PLXNB1: variants seen among roughly 807,000 people sequenced by gnomAD.
PLXNB1 encodes plexin-B1.
A neutral mutation model predicts 209.4 loss-of-function variants in PLXNB1; 106 were observed. That is an observed-to-expected ratio of 0.51 (90% CI 0.43 to 0.59). The LOEUF is 0.59. Among genes scored for constraint, PLXNB1 ranks in the 20% least tolerant of loss-of-function variants. The pLI is 0.00. For missense variants in PLXNB1, 2,357 were observed against 2,853.2 expected (o/e 0.83, Z 3.96); for synonymous variants, 1,167 against 1,183.2 (o/e 0.99, Z 0.28).
In PLXNB1 at chr3:48,419,959, G is replaced by C; in HGVS notation, c.2327C>G (p.Thr776Ser). The C allele has an allele frequency of 6.3e-7, 1 of 1,582,430 alleles. No homozygotes were observed. Among genetic ancestry groups the C allele is most frequent in the Non-Finnish European group, 8.6e-7 (1 of 1,162,262 alleles). Reference protein sequence around the residue: ...NGPGTAVPAPTDFRPSATPED... With the variant: ...NGPGTAVPAPSDFRPSATPED... ...AGGTGTGGCTGAGGGTCTGAAGTCAGTGGGGGCAGGGACAGCGGTTCCAGG... is the reference window on the plus strand; with the variant it reads ...AGGTGTGGCTGAGGGTCTGAAGTCACTGGGGGCAGGGACAGCGGTTCCAGG... Residue 776 changes from threonine to serine, a missense_variant, in exon 11 of 38, where the codon ACT (threonine) becomes AGT (serine). This residue lies in a region of PLXNB1 where 410 missense variants were observed against 401.0 expected (regional missense o/e 1.02). Transcript: ENST00000296440. This position sits in a 1 kb window ranked among gnomAD's most constrained non-coding sequence, Gnocchi z 5.7.
rs764270397 is a variant in PLXNB1 at position 48,415,228 on chromosome 3, C to G, written c.3914G>C (p.Arg1305Pro). The change falls in exon 20 of 38, where the codon CGC becomes CCC. Residue 1305 changes from arginine to proline, a missense_variant. Coordinates refer to ENST00000296440, the MANE Select transcript of PLXNB1 (RefSeq NM_001130082.3). This position sits in a 1 kb window ranked among gnomAD's most constrained non-coding sequence, Gnocchi z 5.0. ...GGAACATGCCGTCTCCGGGACCACGCGACGCCTCCGTCCAAGCCCCTGGCT... is the reference window on the plus strand; with the variant it reads ...GGAACATGCCGTCTCCGGGACCACGGGACGCCTCCGTCCAAGCCCCTGGCT... ...QPSQGLGRRRRVVPETACSLG... is the reference protein window; with the variant it reads ...QPSQGLGRRRPVVPETACSLG... The G allele has an allele frequency of 6.2e-7, 1 of 1,613,452 alleles. No individual in the cohort carries two copies. The highest frequency in any genetic ancestry group is 1.1e-5 in the South Asian group (1 of 91,084).
chr3:48,418,572 A>G lies in PLXNB1; in HGVS notation c.2956-30T>C, dbSNP rs2038260985. On this transcript the variant is annotated intron_variant, in intron 13 of 37. Transcript: ENST00000296440. This position sits in a 1 kb window ranked among gnomAD's most constrained non-coding sequence, Gnocchi z 6.6. Reference sequence around the variant, plus strand: ...AGAAATGGGAGTGGGTTCAGAGTCAAGCACTGGGGGAAGTGTCAGGCCTGG... The same window carrying G: ...AGAAATGGGAGTGGGTTCAGAGTCAGGCACTGGGGGAAGTGTCAGGCCTGG... 4 of 1,543,414 alleles carry G rather than the reference A, an allele frequency of 2.6e-6. No individual in the cohort carries two copies. The highest frequency in any genetic ancestry group is 3.5e-6 in the Non-Finnish European group (4 of 1,134,994).
chr3:48,409,524 G>C lies in PLXNB1; in HGVS notation c.5939+47C>G, dbSNP rs1351579499. ...CGATGAATGTGCTGGGGAGGCAGAA[G>C]AGAAGACCCCCCACACACACCTAGA... On this transcript the variant is annotated intron_variant, in intron 33 of 37. Coordinates refer to ENST00000296440, the MANE Select transcript of PLXNB1 (RefSeq NM_001130082.3). The surrounding 1 kb of genome is among the most constrained non-coding windows in gnomAD (Gnocchi z 5.8). The C allele has an allele frequency of 5.6e-6, 9 of 1,613,942 alleles. No individual in the cohort carries two copies. Among genetic ancestry groups the C allele is most frequent in the Non-Finnish European group, 7.6e-6 (9 of 1,179,890 alleles).
rs769073294 is a variant in PLXNB1 at position 48,409,321 on chromosome 3, T to C, written c.6087+8A>G. 6.2e-7 allele frequency: 1 copy of C among 1,613,900 alleles called. No homozygotes were observed. The highest frequency in any genetic ancestry group is 8.5e-7 in the Non-Finnish European group (1 of 1,179,998). ...CCATCCCCCCGTGTCCATCCCAGAC[T>C]CGCTCACCCGGCCCAGCTTGTGGTC... On this transcript the variant is annotated splice_region_variant and intron_variant, in intron 34 of 37. Transcript: ENST00000296440. The surrounding 1 kb of genome is among the most constrained non-coding windows in gnomAD (Gnocchi z 5.8).
rs955947253 is a variant in PLXNB1, at chr3:48,405,402, C to T, written c.6303+322G>A. On this transcript the variant is annotated intron_variant, in intron 37 of 37. Coordinates refer to ENST00000296440, the MANE Select transcript of PLXNB1 (RefSeq NM_001130082.3). The surrounding 1 kb of genome is among the most constrained non-coding windows in gnomAD (Gnocchi z 5.0). ...AGCCAGGCCTGCACTTGCATGTTGG[C>T]CGTGCCCAACATGCTGCCAACTCAG... Among the ~76,000 whole-genome samples, 1 of 152,160 alleles carries T rather than the reference C, an allele frequency of 6.6e-6. No homozygotes were observed. The highest frequency in any genetic ancestry group is 1.5e-5 in the Non-Finnish European group (1 of 68,020).
Position 48,421,681 on chromosome 3 carries a change from G to A in PLXNB1, c.1646C>T (p.Thr549Met), listed in dbSNP as rs751427669. The change falls in exon 7 of 38, where the codon ACG becomes ATG. Residue 549 changes from threonine (T) to methionine (M), a missense_variant. Thr to Met is a moderately conservative substitution (Grantham distance 81). Transcript: ENST00000296440. ...MSPANISREE[T>M]REVFLSVPDL... Reference sequence around the variant, plus strand: ...GCCTATCTGATCATTCACCTCCCTCGTCTCCTCTCGGCTGATGTTGGCAGG... The same window carrying A: ...GCCTATCTGATCATTCACCTCCCTCATCTCCTCTCGGCTGATGTTGGCAGG... The A allele has an allele frequency of 3.6e-5, 58 of 1,599,692 alleles. No individual in the cohort carries two copies. In the South Asian group the frequency reaches 4.6e-4, roughly 13 times the overall value.
At position 48,405,961 on chromosome 3, in the gene PLXNB1, A is replaced by G. The variant is rs745637503; in HGVS notation, c.6229-163T>C. 1.3e-5 allele frequency: 8 copies of G among 609,828 alleles called. No individual in the cohort carries two copies. The highest frequency in any genetic ancestry group is 2.4e-5 in the Non-Finnish European group (8 of 337,228). The allele number at this position is 609,828 out of a possible 1,614,324, so 37.8% of individuals were successfully genotyped here. A position where few individuals can be genotyped will look rare whatever the true frequency, so the allele number is the denominator to read the frequency against. ...GCAGAGTCCCCTCCATGGCCCAGGGACCCCAGGCCAGGTGTGCCAGATGGG... is the reference window on the plus strand; with the variant it reads ...GCAGAGTCCCCTCCATGGCCCAGGGGCCCCAGGCCAGGTGTGCCAGATGGG... On this transcript the variant is annotated intron_variant, in intron 36 of 37. Coordinates refer to ENST00000296440, the MANE Select transcript of PLXNB1 (RefSeq NM_001130082.3). The surrounding 1 kb of genome is among the most constrained non-coding windows in gnomAD (Gnocchi z 5.0).
rs1415756190 is a variant in PLXNB1 at position 48,415,565 on chromosome 3, A to ACAC, written c.3794+15_3794+17dup. Reference sequence around the variant, plus strand: ...CCTCCCTGCCACCTGCCATGCAGCCACACCCCTGGCCCAACACCTGAGGAA... The same window carrying ACAC: ...CCTCCCTGCCACCTGCCATGCAGCCACACCACCCCTGGCCCAACACCTGAGGAA... On this transcript the variant is annotated intron_variant, in intron 19 of 37. Transcript: ENST00000296440. The surrounding 1 kb of genome is among the most constrained non-coding windows in gnomAD (Gnocchi z 5.0). The ACAC allele has an allele frequency of 5.8e-6, 9 of 1,553,756 alleles. No homozygotes were observed. Among genetic ancestry groups the ACAC allele is most frequent in the Middle Eastern group, 1.7e-4 (1 of 5,964 alleles).
chr3:48,422,580 C>T lies in PLXNB1; in HGVS notation c.1291-121G>A, dbSNP rs1163884640. 25 of 1,331,316 alleles carry T rather than the reference C, an allele frequency of 1.9e-5. No individual in the cohort carries two copies. In the Admixed American group the frequency reaches 6.4e-4, roughly 34 times the overall value. The allele number at this position is 1,331,316 out of a possible 1,614,324, so 82.5% of individuals were successfully genotyped here. On this transcript the variant is annotated intron_variant, in intron 4 of 37. Transcript: ENST00000296440. The stretch of plus-strand genomic sequence containing the variant: ...AATTTCCTCCTAGGCAGTCACAGGT[C>T]ATACCAACTGGCCTAGCGGGGATGG...
chr3:48,406,649 G>C lies in PLXNB1; in HGVS notation c.6228+174C>G. On this transcript the variant is annotated intron_variant, in intron 36 of 37. Transcript: ENST00000296440. The surrounding 1 kb of genome is among the most constrained non-coding windows in gnomAD (Gnocchi z 4.4). ...CTTGCTCTGTGATGAGATGGTGGGA[G>C]CCCTGGTCTTTCAGTGGCAGTTGGA... 5 of 1,423,342 alleles carry C rather than the reference G, an allele frequency of 3.5e-6. No individual in the cohort carries two copies. The highest frequency in any genetic ancestry group is 4.6e-6 in the Non-Finnish European group (5 of 1,091,076). The allele number at this position is 1,423,342 out of a possible 1,614,324, so 88.2% of individuals were successfully genotyped here. A position where few individuals can be genotyped will look rare whatever the true frequency, so the allele number is the denominator to read the frequency against.
intron 1 of PLXNB1, among the ~76,000 whole-genome samples, chr3:48,428,818 C>A (rs959380139): frequency 6.6e-6 from 1 of 152,042 alleles, no homozygotes; most frequent in African/African-American, 2.4e-5. Flanking sequence ...GGGTCCCCCC[C>A]ACCCGCCCGG....
In PLXNB1 at chr3:48,415,369, C is replaced by T. The variant is rs749186444; in HGVS notation, c.3795-22G>A. ...TCCACTGAAACAGACCGTGAGCTTA[C>T]GTAACGTAAGATGGCTTATGTTACC... is the stretch of plus-strand genomic sequence containing the variant. On this transcript the variant is annotated intron_variant, in intron 19 of 37. Coordinates refer to ENST00000296440, the MANE Select transcript of PLXNB1 (RefSeq NM_001130082.3). This position sits in a 1 kb window ranked among gnomAD's most constrained non-coding sequence, Gnocchi z 5.0. 5.0e-6 allele frequency: 8 copies of T among 1,608,106 alleles called. No individual in the cohort carries two copies. The highest frequency in any genetic ancestry group is 1.7e-5 in the Admixed American group (1 of 59,826).
chr3:48,409,469 G>A lies in PLXNB1; in HGVS notation c.5947C>T (p.Leu1983=). The change falls in exon 34 of 38, where the codon CTG becomes TTG. Residue 1983 remains leucine (L), a synonymous_variant. Transcript: ENST00000296440. This position sits in a 1 kb window ranked among gnomAD's most constrained non-coding sequence, Gnocchi z 5.8. Reference sequence around the variant, plus strand: ...TTTATTATATTGATCCAGAACCTCAGAGGCAAGCTGCGGGTGGGGCAGGCA... The same window carrying A: ...TTTATTATATTGATCCAGAACCTCAAAGGCAAGCTGCGGGTGGGGCAGGCA... ...IHIWKTNSLP[L]RFWINIIKNP... is the part of the protein sequence containing the mutation. 6.2e-7 allele frequency: 1 copy of A among 1,614,168 alleles called. No homozygotes were observed. Among genetic ancestry groups the A allele is most frequent in the Non-Finnish European group, 8.5e-7 (1 of 1,180,032 alleles).
At position 48,418,628 on chromosome 3, in the gene PLXNB1, G is replaced by A. The variant is rs1394536726; in HGVS notation, c.2956-86C>T. The stretch of plus-strand genomic sequence containing the variant: ...GGTTAGTCAGAGAAAGGACTAAAAC[G>A]ACCAGTTAGGAGCATAGGGTCAGAG... On this transcript the variant is annotated intron_variant, in intron 13 of 37. Coordinates refer to ENST00000296440, the MANE Select transcript of PLXNB1 (RefSeq NM_001130082.3). The surrounding 1 kb of genome is among the most constrained non-coding windows in gnomAD (Gnocchi z 6.6). The A allele has an allele frequency of 1.0e-5, 12 of 1,170,744 alleles. No individual in the cohort carries two copies. Among genetic ancestry groups the A allele is most frequent in the South Asian group, 4.0e-5 (3 of 74,604 alleles). 72.5% of individuals were successfully genotyped at this position (1,170,744 alleles called of 1,614,324 possible).
At position 48,429,081 on chromosome 3, in the gene PLXNB1, A is replaced by G. The variant is rs1169086947; in HGVS notation, c.-60+927T>C. ...CTCCTCAGTCTCCCAATCGCGTTCCAGGCGGAGTCGCCAGAGTTTCCCTTC... is the reference window on the plus strand; with the variant it reads ...CTCCTCAGTCTCCCAATCGCGTTCCGGGCGGAGTCGCCAGAGTTTCCCTTC... On this transcript the variant is annotated intron_variant, in intron 1 of 37. Coordinates refer to ENST00000296440, the MANE Select transcript of PLXNB1 (RefSeq NM_001130082.3). This position sits in a 1 kb window ranked among gnomAD's most constrained non-coding sequence, Gnocchi z 6.4. 1.3e-5 allele frequency among the ~76,000 whole-genome samples: 2 copies of G among 152,174 alleles called. No homozygotes were observed. The highest frequency in any genetic ancestry group is 2.9e-5 in the Non-Finnish European group (2 of 68,022).
intron 27 of PLXNB1, 96 bp downstream of exon 27, chr3:48,412,142 G>A (rs2037725300): frequency 1.4e-6 from 2 of 1,476,206 alleles, no homozygotes; most frequent in Non-Finnish European, 1.9e-6. Context: ...CTCTGCTCTG[G>A]CACAAGTGTC....
intron 6 of PLXNB1, 70 bp from the exon 7 acceptor site, chr3:48,421,876 T>C: frequency 6.5e-7 from 1 of 1,545,344 alleles, no homozygotes. Context: ...TAGGGACTCC[T>C]ACAATCTGGA....
At chr3:48,407,577 A>G (rs925993407) in intron 34 of PLXNB1, among the ~76,000 whole-genome samples, 1 of 152,210 alleles carries the variant, frequency 6.6e-6, no homozygotes, top group Non-Finnish European at 1.5e-5. Context: ...ACTGGGTTCA[A>G]GTCCCAGCAG....
Position 48,409,602 on chromosome 3 carries a change from G to C in PLXNB1, c.5908C>G (p.Gln1970Glu). 1.9e-6 allele frequency: 3 copies of C among 1,613,902 alleles called. No individual in the cohort carries two copies. The highest frequency in any genetic ancestry group is 2.7e-5 in the African/African-American group (2 of 74,960). The change falls in exon 33 of 38, where the codon CAG becomes GAG. Residue 1970 changes from glutamine to glutamate, a missense_variant. By Grantham distance (29) the Gln-to-Glu change is conservative. Around this residue, in one of 7 missense-constraint regions of PLXNB1, gnomAD observed 414 missense variants for 520.5 expected, o/e 0.80. Coordinates refer to ENST00000296440, the MANE Select transcript of PLXNB1 (RefSeq NM_001130082.3). This position sits in a 1 kb window ranked among gnomAD's most constrained non-coding sequence, Gnocchi z 5.8. ...EQAQQHGISD[Q>E]DTIHIWKTNS... ...GTCTTCCAGATGTGGATGGTGTCCT[G>C]GTCGGAGATGCCATGCTGCTGGGCC...
Sources: allele counts gnomAD v4.1 joint callset (sites outside exome capture counted in the v4.1 genomes callset), GRCh38; gene constraint gnomAD v4.1.1; regional missense constraint gnomAD v4.1.1; non-coding constraint Gnocchi (gnomAD v3.1); transcripts MANE v1.5; gene names NCBI Gene and HGNC (gene_info 2026-07-23, HGNC 2026-07-21).